The following PBRM1 variants were observed in gnomAD, a reference collection of about 807,000 sequenced individuals.
The protein encoded by PBRM1 is protein polybromo-1.
A neutral mutation model predicts 194.5 loss-of-function variants in PBRM1; 27 were observed. The observed-to-expected ratio is 0.14, with a 90% CI of 0.10 to 0.19. The LOEUF is 0.19. PBRM1 is among the 10% of genes least tolerant of loss of function. The probability of loss-of-function intolerance (pLI) is 1.00; values close to 1 mark genes in which losing one functional copy is unlikely to be tolerated. For missense variants in PBRM1, 1,466 were observed against 2,077.2 expected (o/e 0.71, Z 5.72); for synonymous variants, 655 against 693.2 (o/e 0.94, Z 0.87).
chr3:52,583,272 C>A (rs6799490), intron 20 of PBRM1, among the ~76,000 whole-genome samples: 1 of 151,702 alleles, frequency 6.6e-6, no homozygotes, highest in Non-Finnish European at 1.5e-5. Flanking sequence ...TAGCTAGGTG[C>A]GGTGGTGCAC....
chr3:52,579,065 A>G (rs756245642), exon 21 of PBRM1: 8 of 1,614,034 alleles, frequency 5.0e-6, no homozygotes, highest in East Asian at 2.2e-5. Flanking sequence ...TGCCCACACG[A>G]GGACGCACCA....
rs760815877 is a variant in PBRM1 at position 52,589,101 on chromosome 3, G to A, written c.2934C>T (p.Val978=). 5 of 1,613,740 alleles carry A rather than the reference G, an allele frequency of 3.1e-6. No individual in the cohort carries two copies. The East Asian group carries it at 8.9e-5, about 29-fold the overall frequency. Reference sequence around the variant, plus strand: ...AATCCTCCCACAGTCTTTCAATACAGACGATATGTGGTTGTAGGTTGGCCT... The same window carrying A: ...AATCCTCCCACAGTCTTTCAATACAAACGATATGTGGTTGTAGGTTGGCCT... Residue 978 remains valine, a synonymous_variant, in exon 18 of 30, where the codon GTC becomes GTT. Transcript: ENST00000296302.
At chr3:52,597,470 G>A (rs932424384) in intron 17 of PBRM1, among the ~76,000 whole-genome samples, 2 of 152,210 alleles carry the variant, frequency 1.3e-5, no homozygotes, top group Non-Finnish European at 2.9e-5. Context: ...TTAATCAAGT[G>A]AATCCCTGTG....
At chr3:52,588,019 G>A (rs1300847193) in intron 18 of PBRM1, among the ~76,000 whole-genome samples, 2 of 150,382 alleles carry the variant, frequency 1.3e-5, no homozygotes, top group Admixed American at 1.3e-4. Flanking sequence ...TTCTAGAGAA[G>A]GGGTCTTGCC....
In PBRM1 at chr3:52,587,183, C is replaced by T. The variant is rs140050698; in HGVS notation, c.3123+170G>A. Among the ~76,000 whole-genome samples the T allele has an allele frequency of 5.4e-3, 816 of 152,270 alleles. 9 individuals are homozygous for T. The highest frequency in any genetic ancestry group is 0.019 in the African/African-American group (782 of 41,542). The stretch of plus-strand genomic sequence containing the variant: ...GTAAGCAGCAAGTGGTCTTTCACAA[C>T]GAAGTTCAGGTTAATTTCTTCCCAA... On this transcript the variant is annotated intron_variant, in intron 19 of 29. Coordinates refer to ENST00000296302, the Ensembl canonical transcript of PBRM1.
intron 5 of PBRM1, among the ~76,000 whole-genome samples, chr3:52,655,891 A>C (rs1402204208): frequency 1.3e-5 from 2 of 152,254 alleles, no homozygotes; most frequent in Non-Finnish European, 2.9e-5. Flanking sequence ...CATGGGGTAC[A>C]AAGTAATCCA....
intron 14 of PBRM1, among the ~76,000 whole-genome samples, chr3:52,615,933 T>C (rs2094928809): frequency 6.6e-6 from 1 of 152,202 alleles, no homozygotes; most frequent in African/African-American, 2.4e-5. Context: ...TTATCCTTGC[T>C]TAGGGATCTC....
chr3:52,572,562 G>C (rs1265238008), intron 22 of PBRM1, among the ~76,000 whole-genome samples: 1 of 152,156 alleles, frequency 6.6e-6, no homozygotes. Context: ...TTTTAGTAGA[G>C]ATGGGGTTTT....
downstream of PBRM1, chr3:52,547,146 GT>G: frequency 8.6e-6 from 2 of 232,914 alleles, no homozygotes; most frequent in Non-Finnish European, 1.7e-5. Context: ...GAACTTCAAT[GT>G]TTTTCAATGT....
At chr3:52,638,610 AAGAGAC>A (rs2095923637) in intron 10 of PBRM1, among the ~76,000 whole-genome samples, 1 of 143,404 alleles carries the variant, frequency 7.0e-6, no homozygotes, top group Non-Finnish European at 1.5e-5. Flanking sequence ...CTCTTTTTTT[AAGAGAC>A]AGAGTCTCGT....
intron 25 of PBRM1, among the ~76,000 whole-genome samples, chr3:52,558,708 C>G (rs2082745371): frequency 6.6e-6 from 1 of 152,180 alleles, no homozygotes; most frequent in Non-Finnish European, 1.5e-5. Context: ...GCATAACCAC[C>G]ATGGTTAATC....
At chr3:52,647,224 C>T (rs2096320386) in intron 7 of PBRM1, among the ~76,000 whole-genome samples, 1 of 151,596 alleles carries the variant, frequency 6.6e-6, no homozygotes, top group Non-Finnish European at 1.5e-5. Context: ...CCACTGCACA[C>T]TCCCTAGGAT....
intron 12 of PBRM1, among the ~76,000 whole-genome samples, chr3:52,627,916 A>AC (rs1197343800): frequency 6.6e-6 from 1 of 152,238 alleles, no homozygotes; most frequent in Non-Finnish European, 1.5e-5. Flanking sequence ...GTTCACTGTT[A>AC]ATCATATAAA....
At chr3:52,608,357 T>C (rs1401004765) in intron 16 of PBRM1, among the ~76,000 whole-genome samples, 2 of 152,224 alleles carry the variant, frequency 1.3e-5, no homozygotes, top group African/African-American at 4.8e-5. Context: ...GATTATCACT[T>C]ATCTAGAATG....
At chr3:52,652,221 T>C (rs1360815454) in intron 5 of PBRM1, among the ~76,000 whole-genome samples, 2 of 151,132 alleles carry the variant, frequency 1.3e-5, no homozygotes, top group African/African-American at 4.9e-5. Flanking sequence ...CCATCTCTAC[T>C]AAAAATACAA....
chr3:52,638,986 T>TGGGG (rs71084199), intron 10 of PBRM1, among the ~76,000 whole-genome samples: 18 of 57,884 alleles, frequency 3.1e-4, no homozygotes, highest in Non-Finnish European at 3.8e-4. Flanking sequence ...CATTTTTTTT[T>TGGGG]GGGGGGGGGG....
chr3:52,576,530 C>G lies in PBRM1; in HGVS notation c.3691+11G>C. 1.3e-6 allele frequency: 2 copies of G among 1,581,324 alleles called. No homozygotes were observed. Among genetic ancestry groups the G allele is most frequent in the South Asian group, 1.2e-5 (1 of 85,244 alleles). ...ATAAACACGATTAAATAAAAAAGCA[C>G]AAATACCTACCGAGAATACATGTCA... On this transcript the variant is annotated intron_variant, in intron 22 of 29. Transcript: ENST00000296302.
Position 52,651,626 on chromosome 3 carries a change from T to TTACA in PBRM1, c.714+115_714+116insTGTA, listed in dbSNP as rs1449758815. The TTACA allele has an allele frequency of 1.4e-4, 66 of 486,048 alleles. 1 individual carries two copies. The highest frequency in any genetic ancestry group is 4.2e-4 in the South Asian group (7 of 16,768). The allele number at this position is 486,048 out of a possible 1,614,324, so 30.1% of individuals were successfully genotyped here. Reference sequence around the variant, plus strand: ...CACTATTTTAATTTATTTACATGATTTGCTAATAACCCCTTACAGAGACAA... The same window carrying TTACA: ...CACTATTTTAATTTATTTACATGATTTACATGCTAATAACCCCTTACAGAGACAA... On this transcript the variant is annotated intron_variant, in intron 6 of 29. Coordinates refer to ENST00000296302, the Ensembl canonical transcript of PBRM1.
intron 26 of PBRM1, among the ~76,000 whole-genome samples, chr3:52,555,816 C>A (rs1420703339): frequency 6.6e-6 from 1 of 152,092 alleles, no homozygotes; most frequent in Non-Finnish European, 1.5e-5. Flanking sequence ...AGAGTTTCAG[C>A]AAACAAGTAT....
Sources: allele counts gnomAD v4.1 joint callset (sites outside exome capture counted in the v4.1 genomes callset), GRCh38; gene constraint gnomAD v4.1.1; transcripts MANE v1.5; gene names NCBI Gene and HGNC (gene_info 2026-07-23, HGNC 2026-07-21).